Variants in LYPD6 observed in about 807,000 individuals in gnomAD.
The protein encoded by LYPD6 is ly6/PLAUR domain-containing protein 6.
Under a neutral mutation model 22.7 loss-of-function variants are expected in LYPD6, and 15 were observed. The observed-to-expected ratio is 0.66, with a 90% CI of 0.44 to 1.02. The LOEUF is 1.02. Among genes scored for constraint, LYPD6 ranks in the 50% least tolerant of loss-of-function variants. The probability of loss-of-function intolerance (pLI) is 0.00; values close to 1 mark genes in which losing one functional copy is unlikely to be tolerated. For synonymous variants in LYPD6, 72 were observed against 77.5 expected (o/e 0.93, Z 0.37); for missense variants, 189 against 208.4 (o/e 0.91, Z 0.57).
chr2:149,380,356 G>C (rs1456727979), intron 1 of LYPD6, among the ~76,000 whole-genome samples: 1 of 152,218 alleles, frequency 6.6e-6, no homozygotes, highest in Admixed American at 6.5e-5. Flanking sequence ...GACATGCTAA[G>C]AAGAGGCTAT....
chr2:149,476,131 A>G (rs1479944643), downstream of LYPD6, among the ~76,000 whole-genome samples: 1 of 152,190 alleles, frequency 6.6e-6, no homozygotes, highest in African/African-American at 2.4e-5. Context: ...ACAACTCATC[A>G]AAATGTCCCT....
chr2:149,466,168 AC>A, intron 3 of LYPD6, among the ~76,000 whole-genome samples: 1 of 152,286 alleles, frequency 6.6e-6, no homozygotes, highest in East Asian at 1.9e-4. Flanking sequence ...CTGCCTGCTC[AC>A]CCCGATAAAC....
chr2:149,455,653 T>C (rs1680941504), intron 3 of LYPD6, among the ~76,000 whole-genome samples: 1 of 152,198 alleles, frequency 6.6e-6, no homozygotes, highest in African/African-American at 2.4e-5. Flanking sequence ...CAATATTTTG[T>C]CCAAATATGT....
intron 1 of LYPD6, among the ~76,000 whole-genome samples, chr2:149,393,572 C>T (rs1682362040): frequency 6.6e-6 from 1 of 152,224 alleles, no homozygotes. Context: ...AGGGCAGCCT[C>T]ACCAAGATGG....
At chr2:149,355,639 A>G (rs550558390) in intron 1 of LYPD6, among the ~76,000 whole-genome samples, 1 of 152,316 alleles carries the variant, frequency 6.6e-6, no homozygotes, top group Admixed American at 6.5e-5. Context: ...CCTAGTGGTC[A>G]GCAAGACAAG....
intron 1 of LYPD6, among the ~76,000 whole-genome samples, chr2:149,340,637 T>G (rs1236681236): frequency 6.6e-6 from 1 of 152,192 alleles, no homozygotes; most frequent in Non-Finnish European, 1.5e-5. Context: ...CCACTGGGCA[T>G]CATTTGCTTC....
At chr2:149,432,452 G>A (rs367664103) in intron 1 of LYPD6, among the ~76,000 whole-genome samples, 22 of 152,262 alleles carry the variant, frequency 1.4e-4, no homozygotes, top group East Asian at 5.8e-4. Context: ...TCAGAGGTCC[G>A]TCCACACTGG....
intron 3 of LYPD6, among the ~76,000 whole-genome samples, chr2:149,459,166 G>A (rs1681032572): frequency 6.6e-6 from 1 of 152,104 alleles, no homozygotes; most frequent in South Asian, 2.1e-4. Flanking sequence ...AAGAGAAAAA[G>A]AACATCTGAT....
intron 1 of LYPD6, among the ~76,000 whole-genome samples, chr2:149,377,484 A>G (rs1426844031): frequency 6.6e-6 from 1 of 152,192 alleles, no homozygotes; most frequent in Non-Finnish European, 1.5e-5. Context: ...TAATGTGAGC[A>G]TAAAAAAGCA....
chr2:149,365,729 T>G (rs1164711784), intron 1 of LYPD6, among the ~76,000 whole-genome samples: 184 of 152,300 alleles, frequency 1.2e-3, no homozygotes, highest in Admixed American at 3.0e-3. Context: ...CTACACTTGA[T>G]CTTAGCCAAA....
At chr2:149,468,583 T>G (rs1681258492) in intron 3 of LYPD6, 62 bp from the exon 4 acceptor site, 1 of 1,567,322 alleles carries the variant, frequency 6.4e-7, no homozygotes, top group Admixed American at 1.7e-5. Context: ...ACTCCTGTTA[T>G]TTTCCTTTTA....
At chr2:149,343,472 T>C (rs1681199715) in intron 1 of LYPD6, among the ~76,000 whole-genome samples, 1 of 152,198 alleles carries the variant, frequency 6.6e-6, no homozygotes, top group Non-Finnish European at 1.5e-5. Context: ...TCAAAGCCAC[T>C]CCTTTGGCAA....
intron 1 of LYPD6, among the ~76,000 whole-genome samples, chr2:149,345,436 A>G (rs1278883619): frequency 6.8e-6 from 1 of 148,090 alleles, no homozygotes; most frequent in African/African-American, 2.5e-5. Context: ...CCTCCCGAGT[A>G]GCTGGGACTA....
At chr2:149,370,070 G>A (rs79427576) in intron 1 of LYPD6, among the ~76,000 whole-genome samples, 1,972 of 152,206 alleles carry the variant, frequency 0.013, 49 homozygotes, top group African/African-American at 0.046. Flanking sequence ...TGGAGGGTGA[G>A]CTGCTAAGAA....
At chr2:149,408,454 C>T (rs1214722451) in intron 1 of LYPD6, among the ~76,000 whole-genome samples, 1 of 152,150 alleles carries the variant, frequency 6.6e-6, no homozygotes, top group Non-Finnish European at 1.5e-5. Flanking sequence ...ATATCTAGAT[C>T]TCTAGCAAGG....
At chr2:149,463,326 T>C (rs547520865) in intron 3 of LYPD6, among the ~76,000 whole-genome samples, 1 of 152,158 alleles carries the variant, frequency 6.6e-6, no homozygotes, top group East Asian at 1.9e-4. Context: ...ATTTCAAACA[T>C]GAGATATTAT....
chr2:149,427,306 GA>G (rs1683207553), intron 1 of LYPD6, among the ~76,000 whole-genome samples: 1 of 151,936 alleles, frequency 6.6e-6, no homozygotes, highest in African/African-American at 2.4e-5. Flanking sequence ...AAAATTCCTG[GA>G]AAAAATAAAA....
intron 1 of LYPD6, among the ~76,000 whole-genome samples, chr2:149,412,279 C>A (rs894874277): frequency 3.3e-5 from 5 of 151,816 alleles, no homozygotes; most frequent in Non-Finnish European, 5.9e-5. Context: ...GTGTAGAAAT[C>A]GAATCTAATT....
At chr2:149,402,752 T>C (rs1559138994) in intron 1 of LYPD6, among the ~76,000 whole-genome samples, 1 of 152,138 alleles carries the variant, frequency 6.6e-6, no homozygotes, top group Non-Finnish European at 1.5e-5. Context: ...AATTATACTT[T>C]AAGTTTTAGG....
Sources: gnomAD v4.1 joint callset for allele counts (sites outside exome capture counted in the v4.1 genomes callset) on GRCh38, gnomAD v4.1.1 for gene constraint, MANE v1.5 for transcripts, NCBI Gene and HGNC (gene_info 2026-07-23, HGNC 2026-07-21) for gene names.